TRIO: variants seen among roughly 807,000 people sequenced by gnomAD.
TRIO encodes trio Rho guanine nucleotide exchange factor, also known as triple functional domain protein.
A neutral mutation model predicts 351.9 loss-of-function variants in TRIO; 58 were observed. That is an observed-to-expected ratio of 0.16 (90% CI 0.13 to 0.21). TRIO has a LOEUF of 0.21. Ranked by LOEUF, TRIO falls within the 10% of genes least tolerant of loss-of-function variation. TRIO has a pLI of 1.00. For missense variants in TRIO, 3,201 were observed against 4,027.8 expected (o/e 0.79, Z 5.56); for synonymous variants, 1,758 against 1,595.7 (o/e 1.10, Z -2.42).
chr5:14,392,511 A>ACAGTGTGG (rs1032326780), intron 27 of TRIO, among the ~76,000 whole-genome samples: 9 of 152,226 alleles, frequency 5.9e-5, no homozygotes, highest in African/African-American at 2.2e-4. Context: ...ATTGTGGAAG[A>ACAGTGTGG]CAGTGTGGCG....
chr5:14,278,659 A>G (rs1367081118), intron 2 of TRIO, among the ~76,000 whole-genome samples: 1 of 152,258 alleles, frequency 6.6e-6, no homozygotes, highest in Non-Finnish European at 1.5e-5. Flanking sequence ...AAAAATATTG[A>G]AATTGTTAAT....
At chr5:14,184,722 T>C (rs1790002086) in intron 1 of TRIO, among the ~76,000 whole-genome samples, 1 of 152,282 alleles carries the variant, frequency 6.6e-6, no homozygotes, top group East Asian at 1.9e-4. Flanking sequence ...ATAGCCTATG[T>C]AGTTAGTTCT....
At chr5:14,226,705 A>G (rs1203416503) in intron 1 of TRIO, among the ~76,000 whole-genome samples, 1 of 152,238 alleles carries the variant, frequency 6.6e-6, no homozygotes, top group East Asian at 1.9e-4. Context: ...GTCTTCACTT[A>G]TGTGACTAAC....
chr5:14,257,736 C>G (rs1156964555), intron 1 of TRIO, among the ~76,000 whole-genome samples: 1 of 152,150 alleles, frequency 6.6e-6, no homozygotes, highest in African/African-American at 2.4e-5. Flanking sequence ...AAAAATATGT[C>G]TATTTGTTAG....
At chr5:14,466,868 T>A (rs1440084564) in intron 37 of TRIO, among the ~76,000 whole-genome samples, 1 of 152,244 alleles carries the variant, frequency 6.6e-6, no homozygotes, top group Non-Finnish European at 1.5e-5. Flanking sequence ...CCTCTTTCCT[T>A]TATTTAATAA....
chr5:14,231,573 C>G (rs1793430999), intron 1 of TRIO, among the ~76,000 whole-genome samples: 1 of 152,334 alleles, frequency 6.6e-6, no homozygotes, highest in Middle Eastern at 3.4e-3. Flanking sequence ...ACGTTCATTG[C>G]TAGGGGCTGC....
intron 33 of TRIO, among the ~76,000 whole-genome samples, chr5:14,417,994 C>T (rs1270003421): frequency 6.6e-6 from 1 of 152,104 alleles, no homozygotes; most frequent in Non-Finnish European, 1.5e-5. Context: ...CCCTCCCAGT[C>T]CAGGGATGGA....
chr5:14,171,531 A>T (rs1365624263), intron 1 of TRIO, among the ~76,000 whole-genome samples: 1 of 152,248 alleles, frequency 6.6e-6, no homozygotes, highest in Non-Finnish European at 1.5e-5. Context: ...TGAAGGATAA[A>T]GGTAGAGTTT....
intron 34 of TRIO, among the ~76,000 whole-genome samples, chr5:14,450,947 A>G (rs1752811681): frequency 6.6e-6 from 1 of 152,244 alleles, no homozygotes; most frequent in African/African-American, 2.4e-5. Context: ...TGATACACCA[A>G]ACATATGTAA....
chr5:14,471,197 A>G lies in TRIO; in HGVS notation c.5764-121A>G, dbSNP rs1754656171. On this transcript the variant is annotated intron_variant, in intron 37 of 56. Coordinates refer to ENST00000344204, the MANE Select transcript of TRIO (RefSeq NM_007118.4). Reference sequence around the variant, plus strand: ...AAATGCTATAATTTCACAAACAAAGATTTTATAATTTCACAAATACATTTT... The same window carrying G: ...AAATGCTATAATTTCACAAACAAAGGTTTTATAATTTCACAAATACATTTT... 1.2e-5 allele frequency: 16 copies of G among 1,298,120 alleles called. No individual in the cohort carries two copies. The South Asian group carries it at 2.4e-4, about 20-fold the overall frequency. The allele number at this position is 1,298,120 out of a possible 1,614,324, so 80.4% of individuals were successfully genotyped here. A position where few individuals can be genotyped will look rare whatever the true frequency, so the allele number is the denominator to read the frequency against.
intron 1 of TRIO, among the ~76,000 whole-genome samples, chr5:14,246,057 G>C (rs561925274): frequency 6.6e-6 from 1 of 152,156 alleles, no homozygotes; most frequent in African/African-American, 2.4e-5. Flanking sequence ...CCATTCCCTT[G>C]ATTTACTTAA....
Position 14,287,073 on chromosome 5 carries a change from C to T in TRIO, c.540+10C>T. ...TAAATTTGAATTTGAGGTAACTTCC[C>T]CCGTGTGGCTAGACCCACTAAACAA... On this transcript the variant is annotated intron_variant, in intron 4 of 56. Coordinates refer to ENST00000344204, the MANE Select transcript of TRIO (RefSeq NM_007118.4). The T allele has an allele frequency of 6.2e-7, 1 of 1,613,224 alleles. No individual in the cohort carries two copies. The highest frequency in any genetic ancestry group is 1.7e-5 in the Admixed American group (1 of 59,974).
Position 14,480,014 on chromosome 5 carries a change from G to A in TRIO, c.6336+3G>A, listed in dbSNP as rs1755395158. The A allele has an allele frequency of 4.3e-6, 7 of 1,613,590 alleles. No homozygotes were observed. The highest frequency in any genetic ancestry group is 3.3e-5 in the South Asian group (3 of 91,004). ...TGAAGTATCAGCTGTTACTGAAGGT[G>A]AGGAGGTGGCGGGACAAACTCTGGT... On this transcript the variant is annotated splice_donor_region_variant and intron_variant, in intron 43 of 56. Coordinates refer to ENST00000344204, the MANE Select transcript of TRIO (RefSeq NM_007118.4).
intron 11 of TRIO, among the ~76,000 whole-genome samples, chr5:14,346,570 A>G (rs1267112031): frequency 6.6e-6 from 1 of 152,218 alleles, no homozygotes; most frequent in African/African-American, 2.4e-5. Context: ...ACTCAGAGTG[A>G]GGTTAATCCT....
intron 33 of TRIO, among the ~76,000 whole-genome samples, chr5:14,407,492 G>A (rs1748831506): frequency 6.6e-6 from 1 of 152,218 alleles, no homozygotes; most frequent in African/African-American, 2.4e-5. Context: ...GGTTCATAGT[G>A]ATGCCAAGGC....
At chr5:14,354,215 G>A (rs1265020429) in intron 11 of TRIO, among the ~76,000 whole-genome samples, 4 of 152,260 alleles carry the variant, frequency 2.6e-5, no homozygotes, top group Non-Finnish European at 5.9e-5. Flanking sequence ...GTTACGAGGT[G>A]TGTCCTGTCC....
chr5:14,489,866 C>T (rs966264113), intron 48 of TRIO, among the ~76,000 whole-genome samples: 3 of 152,172 alleles, frequency 2.0e-5, no homozygotes, highest in East Asian at 1.9e-4. Context: ...TACTTGTTCT[C>T]ATGTGGCAGG....
At chr5:14,407,179 C>T in intron 33 of TRIO, among the ~76,000 whole-genome samples, 1 of 152,028 alleles carries the variant, frequency 6.6e-6, no homozygotes, top group East Asian at 1.9e-4. Flanking sequence ...TTGGGCCAGG[C>T]CCTTTATTGT....
Position 14,488,166 on chromosome 5 carries a change from C to T in TRIO, c.7538C>T (p.Thr2513Ile), listed in dbSNP as rs1756155529. ...GACAGCGACTCCCTCCAGCGGCAGA[C>T]ACCCCGCCACGCGGCCCCTGGCAAG... is the stretch of plus-strand genomic sequence containing the variant. ...PGDSDSLQRQ[T>I]PRHAAPGKDT... The change falls in exon 48 of 57, where the codon ACA (threonine) becomes ATA (isoleucine). Residue 2513 changes from threonine to isoleucine, a missense_variant. Physicochemically the swap from Thr to Ile is moderately conservative, Grantham distance 89. Around this residue, in one of 19 missense-constraint regions of TRIO, gnomAD observed 1,089 missense variants for 954.9 expected, o/e 1.14. Coordinates refer to ENST00000344204, the MANE Select transcript of TRIO (RefSeq NM_007118.4). The T allele has an allele frequency of 2.5e-6, 4 of 1,604,168 alleles. No individual in the cohort carries two copies. In the African/African-American group the frequency reaches 5.3e-5, roughly 21 times the overall value.
Sources: allele counts gnomAD v4.1 joint callset (sites outside exome capture counted in the v4.1 genomes callset), GRCh38; gene constraint gnomAD v4.1.1; regional missense constraint gnomAD v4.1.1; transcripts MANE v1.5; gene names NCBI Gene and HGNC (gene_info 2026-07-23, HGNC 2026-07-21).